Variants in CSF2RA observed in about 807,000 individuals in gnomAD.
CSF2RA encodes the protein colony stimulating factor 2 receptor subunit alpha, also known as granulocyte-macrophage colony-stimulating factor receptor subunit alpha.
CSF2RA carries 42 observed loss-of-function variants against 51.6 expected under a neutral mutation model. The ratio of observed to expected loss-of-function variants is 0.81; its 90% CI spans 0.64 to 1.05. The LOEUF (loss-of-function observed/expected upper bound fraction) is 1.05, where lower values mean the gene tolerates loss of function less well. Among genes scored for constraint, CSF2RA ranks in the 50% least tolerant of loss-of-function variants. The probability of loss-of-function intolerance (pLI) is 0.00; values close to 1 mark genes in which losing one functional copy is unlikely to be tolerated. For missense variants in CSF2RA, 530 were observed against 501.1 expected (o/e 1.06, Z -0.55); for synonymous variants, 222 against 193.0 (o/e 1.15, Z -1.24).
chrX:1,323,720 TA>T, the CSF2RA span, among the ~76,000 whole-genome samples: 2 of 150,396 alleles, frequency 1.3e-5, no homozygotes, highest in African/African-American at 4.9e-5. Context: ...CCCCATCTCT[TA>T]AAAAAAATGC....
chrX:1,295,363 A>C, intron 8 of CSF2RA, 64 bp from the exon 9 acceptor site: 1 of 1,592,232 alleles, frequency 6.3e-7, no homozygotes, highest in Non-Finnish European at 8.6e-7. Flanking sequence ...CACTGTGTGA[A>C]CCATCTACAG....
chrX:1,310,667 CAAAAAAA>C (rs542174861), downstream of CSF2RA, among the ~76,000 whole-genome samples: 1 of 121,618 alleles, frequency 8.2e-6, no homozygotes, highest in Non-Finnish European at 1.9e-5. Context: ...GACTCCATCT[CAAAAAAA>C]AAAAAAAAAA....
At chrX:1,279,135 G>A (rs2089576520) in intron 2 of CSF2RA, among the ~76,000 whole-genome samples, 1 of 149,962 alleles carries the variant, frequency 6.7e-6, no homozygotes, top group African/African-American at 2.5e-5. Flanking sequence ...GGGATTACTT[G>A]AGATCAGGAG....
intron 9 of CSF2RA, among the ~76,000 whole-genome samples, chrX:1,295,791 C>A (rs866478085): frequency 5.3e-5 from 8 of 151,556 alleles, no homozygotes; most frequent in Non-Finnish European, 1.2e-4. Context: ...CCACCTGGAC[C>A]CCGTGTAGAC....
chrX:1,314,269 G>GTA (rs1569514715), downstream of CSF2RA, among the ~76,000 whole-genome samples: 16 of 15,980 alleles, frequency 1.0e-3, 2 homozygotes, highest in African/African-American at 3.0e-3. Context: ...ACCCCACTGC[G>GTA]CCTGCCCAAC....
chrX:1,289,735 G>A (rs1399215141), intron 6 of CSF2RA, among the ~76,000 whole-genome samples: 1 of 127,474 alleles, frequency 7.8e-6, no homozygotes, highest in African/African-American at 3.0e-5. Context: ...TTTGTTTTGT[G>A]GTTTTCTTTT....
the CSF2RA span, among the ~76,000 whole-genome samples, chrX:1,318,616 G>A: frequency 6.6e-6 from 1 of 151,830 alleles, no homozygotes; most frequent in Admixed American, 6.6e-5. Flanking sequence ...GCAGATGTCT[G>A]GGAAGACAAT....
At chrX:1,278,042 G>T (rs369145937) in intron 2 of CSF2RA, among the ~76,000 whole-genome samples, 2 of 95,514 alleles carry the variant, frequency 2.1e-5, no homozygotes, top group African/African-American at 3.3e-5. Flanking sequence ...GAAAGACTAG[G>T]TACTCCAGAG....
At chrX:1,292,494 T>C (rs2091499378) in intron 7 of CSF2RA, among the ~76,000 whole-genome samples, 2 of 152,104 alleles carry the variant, frequency 1.3e-5, no homozygotes, top group Non-Finnish European at 2.9e-5. Flanking sequence ...GCAAGGGGAA[T>C]GTGGCAGGAG....
the CSF2RA span, among the ~76,000 whole-genome samples, chrX:1,317,113 A>T: frequency 6.7e-6 from 1 of 150,136 alleles, no homozygotes; most frequent in African/African-American, 2.5e-5. Context: ...TGCCCGGCTA[A>T]TTTTTTTTGC....
chrX:1,288,648 C>T lies in CSF2RA; in HGVS notation c.343+6C>T. ...ACTGCTTTATCCAAATTCAGGTAAG[C>T]AAGACAGCTCAGGGATCCGTTTACA... On this transcript the variant is annotated splice_donor_region_variant and intron_variant, in intron 5 of 12. Transcript: ENST00000381529. 1 of 1,613,962 alleles carries T rather than the reference C, an allele frequency of 6.2e-7. No homozygotes were observed. The highest frequency in any genetic ancestry group is 8.5e-7 in the Non-Finnish European group (1 of 1,179,870).
intron 4 of CSF2RA, among the ~76,000 whole-genome samples, chrX:1,286,292 G>T (rs1323006676): frequency 6.7e-6 from 1 of 149,274 alleles, no homozygotes; most frequent in Non-Finnish European, 1.5e-5. Flanking sequence ...AATAAGGCCG[G>T]GTGTGGTGGC....
At chrX:1,304,051 G>A in intron 11 of CSF2RA, 32 bp downstream of exon 11, 1 of 1,538,604 alleles carries the variant, frequency 6.5e-7, no homozygotes, top group Non-Finnish European at 9.0e-7. Flanking sequence ...CCTCCCCAAT[G>A]AAAACAGGCC....
intron 6 of CSF2RA, among the ~76,000 whole-genome samples, chrX:1,289,798 TGTG>T (rs2091177731): frequency 6.9e-6 from 1 of 144,494 alleles, no homozygotes; most frequent in African/African-American, 2.5e-5. Context: ...TGTTTTGTTT[TGTG>T]TTTTTGTGTT....
intron 6 of CSF2RA, among the ~76,000 whole-genome samples, chrX:1,289,705 T>C (rs1320595296): frequency 1.3e-5 from 2 of 150,204 alleles, no homozygotes; most frequent in African/African-American, 2.5e-5. Flanking sequence ...TTTGTGTTTT[T>C]TTGTTTGTGT....
Position 1,271,813 on chromosome X carries a change from G to A in CSF2RA, c.-91+2934G>A, listed in dbSNP as rs138885529. Among the ~76,000 whole-genome samples the A allele has an allele frequency of 1.3e-3, 204 of 152,096 alleles. 1 individual carries two copies. The highest frequency in any genetic ancestry group is 4.8e-3 in the African/African-American group (198 of 41,514). On this transcript the variant is annotated intron_variant, in intron 1 of 12. Transcript: ENST00000381529. ...ATTACAGACATGAACCACGGAGCCC[G>A]GCCGGATTTCACTCTTTAGATTTTT...
intron 8 of CSF2RA, among the ~76,000 whole-genome samples, chrX:1,295,159 G>C (rs1367268229): frequency 1.6e-4 from 25 of 152,206 alleles, no homozygotes; most frequent in African/African-American, 5.8e-4. Context: ...TGTCTACCTG[G>C]ACGACAGGAG....
chrX:1,285,853 GC>G lies in CSF2RA; in HGVS notation c.154del (p.Gln52LysfsTer11). On this transcript the variant is annotated frameshift_variant, in exon 4 of 13. Transcript: ENST00000381529. LOFTEE classifies it high-confidence loss of function. The part of the protein sequence containing the change: ...DSRTMNLSWD[C>X]QENTTFSKCF... ...AGGACGATGAATTTAAGCTGGGACT[GC>G]CAAGAAAACACAACCTTCAGCAAGT... The G allele has an allele frequency of 6.2e-7, 1 of 1,613,812 alleles. No individual in the cohort carries two copies. Among genetic ancestry groups the G allele is most frequent in the Non-Finnish European group, 8.5e-7 (1 of 1,179,846 alleles).
At chrX:1,276,612 G>A (rs1209924717) in intron 2 of CSF2RA, among the ~76,000 whole-genome samples, 1 of 152,080 alleles carries the variant, frequency 6.6e-6, no homozygotes, top group Non-Finnish European at 1.5e-5. Context: ...GTCCTCAAGT[G>A]ATCCACCCAC....
Sources: gnomAD v4.1 joint callset for allele counts (sites outside exome capture counted in the v4.1 genomes callset) on GRCh38, gnomAD v4.1.1 for gene constraint, MANE v1.5 for transcripts, NCBI Gene and HGNC (gene_info 2026-07-23, HGNC 2026-07-21) for gene names.